The following LPP variants were observed in gnomAD, a reference collection of about 807,000 sequenced individuals.
LPP encodes lipoma-preferred partner.
Under a neutral mutation model 60.4 loss-of-function variants are expected in LPP, and 38 were observed. The observed-to-expected ratio is 0.63, with a 90% CI of 0.49 to 0.83. The LOEUF is 0.83. LPP is among the 40% of genes least tolerant of loss of function. The pLI is 0.00. For missense variants in LPP, 902 were observed against 783.6 expected, an observed-to-expected ratio of 1.15 and a Z score of -1.80; for synonymous variants, 328 against 290.8, an observed-to-expected ratio of 1.13 and a Z score of -1.30.
intron 2 of LPP, among the ~76,000 whole-genome samples, chr3:188,317,075 G>T (rs1755292521): frequency 6.6e-6 from 1 of 152,116 alleles, no homozygotes; most frequent in Non-Finnish European, 1.5e-5. Flanking sequence ...TGCTAATCTG[G>T]GTGCCAATGG....
chr3:188,552,357 A>T (rs1828365998), intron 6 of LPP, among the ~76,000 whole-genome samples: 1 of 152,190 alleles, frequency 6.6e-6, no homozygotes. Context: ...ATGGGAACTA[A>T]GTAGAGGATG....
chr3:188,562,669 C>T (rs1387380667), intron 6 of LPP, among the ~76,000 whole-genome samples: 1 of 151,984 alleles, frequency 6.6e-6, no homozygotes, highest in Non-Finnish European at 1.5e-5. Context: ...CAAGTGCAAG[C>T]TTCCTTTTCT....
intron 1 of LPP, among the ~76,000 whole-genome samples, chr3:188,201,384 G>T (rs1240786811): frequency 6.6e-6 from 1 of 152,140 alleles, no homozygotes; most frequent in African/African-American, 2.4e-5. Flanking sequence ...TCTTTTGGGG[G>T]TAGTACCATC....
At chr3:188,344,948 T>C (rs982894827) in intron 3 of LPP, among the ~76,000 whole-genome samples, 1 of 152,206 alleles carries the variant, frequency 6.6e-6, no homozygotes, top group African/African-American at 2.4e-5. Context: ...CTTCCATTAT[T>C]TGATTTTTCC....
At chr3:188,264,494 G>T (rs891540959) in intron 2 of LPP, among the ~76,000 whole-genome samples, 1 of 152,064 alleles carries the variant, frequency 6.6e-6, no homozygotes, top group African/African-American at 2.4e-5. Context: ...TTCCTTAAGT[G>T]GTATAAAATG....
At chr3:188,299,080 A>T (rs961500361) in intron 2 of LPP, among the ~76,000 whole-genome samples, 9 of 152,140 alleles carry the variant, frequency 5.9e-5, no homozygotes, top group Non-Finnish European at 1.3e-4. Flanking sequence ...GAATCAGTTA[A>T]CTCTTTATCA....
chr3:188,303,260 C>T (rs1283211761), intron 2 of LPP, among the ~76,000 whole-genome samples: 1 of 152,136 alleles, frequency 6.6e-6, no homozygotes, highest in African/African-American at 2.4e-5. Flanking sequence ...TTCCAATAAA[C>T]TTTTATTCAC....
intron 7 of LPP, among the ~76,000 whole-genome samples, chr3:188,697,930 A>G (rs552413616): frequency 1.3e-5 from 2 of 150,366 alleles, no homozygotes; most frequent in South Asian, 4.1e-4. Context: ...CCAAGTATCT[A>G]AAATAACAGA....
chr3:188,681,018 G>T (rs1859376192), intron 7 of LPP, among the ~76,000 whole-genome samples: 1 of 137,198 alleles, frequency 7.3e-6, no homozygotes. Flanking sequence ...TTTTTTGTGA[G>T]ACAGAGTCTC....
chr3:188,405,866 G>A (rs1281858395), intron 3 of LPP, among the ~76,000 whole-genome samples: 1 of 105,966 alleles, frequency 9.4e-6, no homozygotes, highest in Non-Finnish European at 2.1e-5. Flanking sequence ...TTCTCTTCCT[G>A]CTCCTCCTCT....
chr3:188,389,511 C>T (rs1012752124), intron 3 of LPP, among the ~76,000 whole-genome samples: 2 of 152,154 alleles, frequency 1.3e-5, no homozygotes, highest in Non-Finnish European at 2.9e-5. Flanking sequence ...CGTGGTGGCT[C>T]ACGTCTGTAA....
At chr3:188,612,682 T>C (rs1298865504) in intron 7 of LPP, among the ~76,000 whole-genome samples, 1 of 152,208 alleles carries the variant, frequency 6.6e-6, no homozygotes, top group Non-Finnish European at 1.5e-5. Flanking sequence ...TTTTAGTCAC[T>C]GATGGAAAAC....
At chr3:188,547,588 G>C (rs1349631736) in intron 6 of LPP, among the ~76,000 whole-genome samples, 1 of 152,084 alleles carries the variant, frequency 6.6e-6, no homozygotes, top group Admixed American at 6.6e-5. Context: ...GCAATACACT[G>C]TCTCTTTTTT....
intron 7 of LPP, among the ~76,000 whole-genome samples, chr3:188,648,115 A>G (rs1851435069): frequency 6.6e-6 from 1 of 152,220 alleles, no homozygotes. Flanking sequence ...CTCATATTCC[A>G]TTAATATGTT....
At chr3:188,267,356 T>C (rs1735951477) in intron 2 of LPP, among the ~76,000 whole-genome samples, 1 of 152,204 alleles carries the variant, frequency 6.6e-6, no homozygotes, top group Non-Finnish European at 1.5e-5. Context: ...GTTCAGGTAA[T>C]AACTGGCTGT....
intron 7 of LPP, among the ~76,000 whole-genome samples, chr3:188,670,037 G>C (rs919956860): frequency 1.3e-5 from 2 of 152,160 alleles, no homozygotes; most frequent in African/African-American, 4.8e-5. Flanking sequence ...CTCACTCATA[G>C]GTGGGAATTG....
intron 3 of LPP, among the ~76,000 whole-genome samples, chr3:188,391,205 G>A (rs1282012536): frequency 6.6e-6 from 1 of 152,196 alleles, no homozygotes; most frequent in African/African-American, 2.4e-5. Flanking sequence ...TGATAGAGCT[G>A]AGGCTAGCGT....
chr3:188,588,311 A>G (rs772507892), intron 6 of LPP, among the ~76,000 whole-genome samples: 12 of 152,178 alleles, frequency 7.9e-5, no homozygotes, highest in East Asian at 7.7e-4. Context: ...AGTATTTGCT[A>G]TCTCTACAAT....
intron 1 of LPP, among the ~76,000 whole-genome samples, chr3:188,216,124 A>G (rs923212307): frequency 6.6e-6 from 1 of 152,040 alleles, no homozygotes; most frequent in African/African-American, 2.4e-5. Flanking sequence ...ATCTTTTGTC[A>G]GGTACCTCAG....
Sources: gnomAD v4.1 joint callset for allele counts (sites outside exome capture counted in the v4.1 genomes callset) on GRCh38, gnomAD v4.1.1 for gene constraint, MANE v1.5 for transcripts, NCBI Gene and HGNC (gene_info 2026-07-23, HGNC 2026-07-21) for gene names.